Variants in FOXP1 observed in about 807,000 individuals in gnomAD.
The protein encoded by FOXP1 is forkhead box P1.
A neutral mutation model predicts 98.2 loss-of-function variants in FOXP1; 15 were observed. That is an observed-to-expected ratio of 0.15 (90% CI 0.10 to 0.24). The LOEUF (loss-of-function observed/expected upper bound fraction) is 0.24. Among genes scored for constraint, FOXP1 ranks in the 10% least tolerant of loss-of-function variants. The probability of loss-of-function intolerance (pLI) is 1.00; values close to 1 mark genes in which losing one functional copy is unlikely to be tolerated. For synonymous variants in FOXP1, 371 were observed against 314.5 expected (o/e 1.18, Z -1.90); for missense variants, 633 against 848.5 (o/e 0.75, Z 3.15).
intron 4 of FOXP1, among the ~76,000 whole-genome samples, chr3:71,312,997 A>C (rs1206951301): frequency 6.6e-6 from 1 of 152,136 alleles, no homozygotes; most frequent in African/African-American, 2.4e-5. Flanking sequence ...TCTCAAAAAT[A>C]ATAAAATAAA....
intron 7 of FOXP1, among the ~76,000 whole-genome samples, chr3:71,097,122 T>C (rs978669392): frequency 2.1e-4 from 32 of 152,142 alleles, no homozygotes; most frequent in African/African-American, 7.5e-4. Context: ...ACAAACTGCA[T>C]GATCATATCC....
intron 3 of FOXP1, among the ~76,000 whole-genome samples, chr3:71,443,106 C>G (rs967527790): frequency 2.0e-5 from 3 of 152,172 alleles, no homozygotes; most frequent in African/African-American, 7.2e-5. Context: ...ATTGGCCAGA[C>G]TGGTCTTGAA....
intron 5 of FOXP1, among the ~76,000 whole-genome samples, chr3:71,202,567 G>A (rs1037849396): frequency 6.5e-4 from 99 of 152,198 alleles, no homozygotes; most frequent in African/African-American, 2.1e-3. Context: ...GCAGGTAAAT[G>A]TTATCCCCAT....
intron 7 of FOXP1, among the ~76,000 whole-genome samples, chr3:71,085,756 A>C (rs1436410729): frequency 1.1e-3 from 1 of 910 alleles, no homozygotes; most frequent in African/African-American, 2.3e-3. Flanking sequence ...TTTTACATGG[A>C]GTCTCACTGT....
At chr3:71,115,656 G>A (rs1237900521) in intron 6 of FOXP1, among the ~76,000 whole-genome samples, 3 of 151,244 alleles carry the variant, frequency 2.0e-5, no homozygotes, top group Non-Finnish European at 4.4e-5. Flanking sequence ...AAATAGTCAA[G>A]TCTCAGAGCA....
At chr3:71,178,566 T>C (rs539665789) in intron 6 of FOXP1, among the ~76,000 whole-genome samples, 1 of 152,146 alleles carries the variant, frequency 6.6e-6, no homozygotes, top group African/African-American at 2.4e-5. Context: ...CTGGTCAATG[T>C]GGTGACACCT....
At chr3:71,510,313 T>TA (rs1043484935) in intron 2 of FOXP1, among the ~76,000 whole-genome samples, 5 of 149,086 alleles carry the variant, frequency 3.4e-5, no homozygotes, top group Non-Finnish European at 4.4e-5. Context: ...CCGTCTCAAC[T>TA]AAAAATACAA....
intron 4 of FOXP1, among the ~76,000 whole-genome samples, chr3:71,348,410 G>A (rs147639882): frequency 3.9e-5 from 6 of 152,232 alleles, no homozygotes; most frequent in African/African-American, 1.4e-4. Context: ...CAGCTTAGAA[G>A]CTTGGAGTGG....
intron 3 of FOXP1, among the ~76,000 whole-genome samples, chr3:71,423,467 T>TC (rs1204682237): frequency 2.0e-5 from 3 of 152,308 alleles, no homozygotes; most frequent in African/African-American, 7.2e-5. Flanking sequence ...TAAAGGCGTG[T>TC]CCTCTGTCTC....
At chr3:71,020,513 C>T (rs2045270751) in intron 11 of FOXP1, among the ~76,000 whole-genome samples, 1 of 152,152 alleles carries the variant, frequency 6.6e-6, no homozygotes, top group Non-Finnish European at 1.5e-5. Flanking sequence ...TTACTAAATC[C>T]ACCTGCTAAA....
intron 17 of FOXP1, among the ~76,000 whole-genome samples, chr3:70,975,826 G>A (rs1017265810): frequency 2.6e-5 from 4 of 152,130 alleles, no homozygotes; most frequent in Non-Finnish European, 5.9e-5. Context: ...CCAAAAATAT[G>A]TGAGGGATCA....
intron 3 of FOXP1, among the ~76,000 whole-genome samples, chr3:71,451,323 C>T (rs1251835316): frequency 6.6e-6 from 1 of 152,066 alleles, no homozygotes; most frequent in Non-Finnish European, 1.5e-5. Context: ...CAGATCAGTC[C>T]CTTTATAAAA....
rs183825221 is a variant in FOXP1, at chr3:70,959,326, A to C, written c.1955T>G (p.Val652Gly). Residue 652 changes from valine to glycine, a missense_variant, in exon 21 of 21, where the codon GTG (valine) becomes GGG (glycine). Coordinates refer to ENST00000649528, the MANE Select transcript of FOXP1 (RefSeq NM_001349338.3). ...PEEAEGPLSL[V>G]TTANHSPDFD... ...ATCTGGACTGTGGTTGGCTGTTGTC[A>C]CTAAGGACAGGGGCCCTTCAGCTTC... 42 of 1,613,908 alleles carry C rather than the reference A, an allele frequency of 2.6e-5. No individual in the cohort carries two copies. The highest frequency in any genetic ancestry group is 3.4e-5 in the Non-Finnish European group (40 of 1,179,990).
At chr3:71,180,582 T>A (rs560055977) in intron 6 of FOXP1, among the ~76,000 whole-genome samples, 1 of 152,272 alleles carries the variant, frequency 6.6e-6, no homozygotes, top group East Asian at 1.9e-4. Context: ...ACATGGTAGA[T>A]TTTTTTCTCC....
At chr3:71,410,666 T>C (rs1374595344) in intron 3 of FOXP1, among the ~76,000 whole-genome samples, 1 of 152,228 alleles carries the variant, frequency 6.6e-6, no homozygotes, top group African/African-American at 2.4e-5. Flanking sequence ...TTTTTTAAAA[T>C]TTCCCCAAAC....
intron 2 of FOXP1, among the ~76,000 whole-genome samples, chr3:71,580,552 G>C (rs2048085734): frequency 6.6e-6 from 1 of 152,000 alleles, no homozygotes; most frequent in African/African-American, 2.4e-5. Context: ...AAAATAGCAG[G>C]AACTCCTCTT....
chr3:71,432,866 ATT>A lies in FOXP1; in HGVS notation c.-168+60558_-168+60559del, dbSNP rs1321345561. ...CATGTTAAAAAAAAAAAAAAAAAAA[ATT>A]AAAAAAAAAAGCCCCATGATTTGGC... is the stretch of plus-strand genomic sequence containing the variant. On this transcript the variant is annotated intron_variant, in intron 3 of 20. Transcript: ENST00000649528. 1.6e-3 allele frequency among the ~76,000 whole-genome samples: 214 copies of A among 138,022 alleles called. 2 individuals are homozygous for A. Among genetic ancestry groups the A allele is most frequent in the Non-Finnish European group, 2.1e-3 (133 of 63,740 alleles). The allele number at this position is 138,022 out of a possible 152,430, so 90.5% of individuals were successfully genotyped here. A position where few individuals can be genotyped will look rare whatever the true frequency, so the allele number is the denominator to read the frequency against.
At chr3:71,026,058 T>C (rs1274224474) in intron 11 of FOXP1, among the ~76,000 whole-genome samples, 1 of 152,178 alleles carries the variant, frequency 6.6e-6, no homozygotes, top group Non-Finnish European at 1.5e-5. Context: ...GAAAAACCTA[T>C]GAAAACATAC....
intron 7 of FOXP1, among the ~76,000 whole-genome samples, chr3:71,054,123 AC>A (rs1193370864): frequency 6.6e-6 from 1 of 152,202 alleles, no homozygotes; most frequent in Non-Finnish European, 1.5e-5. Context: ...GTTAACCCAG[AC>A]TTGAATTTTG....
Sources: allele counts gnomAD v4.1 joint callset (sites outside exome capture counted in the v4.1 genomes callset), GRCh38; gene constraint gnomAD v4.1.1; transcripts MANE v1.5; gene names NCBI Gene and HGNC (gene_info 2026-07-23, HGNC 2026-07-21).